Variants in TTC3 observed in about 807,000 individuals in gnomAD.
TTC3 encodes E3 ubiquitin-protein ligase TTC3.
A neutral mutation model predicts 249.6 loss-of-function variants in TTC3; 180 were observed. That is an observed-to-expected ratio of 0.72 (90% CI 0.64 to 0.82). TTC3 has a LOEUF of 0.82. Ranked by LOEUF, TTC3 falls within the 40% of genes least tolerant of loss-of-function variation. TTC3 has a pLI of 0.00. For missense variants in TTC3, 2,061 were observed against 2,398.4 expected, an observed-to-expected ratio of 0.86 and a Z score of 2.94; for synonymous variants, 717 against 805.0, an observed-to-expected ratio of 0.89 and a Z score of 1.85.
intron 28 of TTC3, chr21:37,157,178 T>C (rs1467271700): frequency 1.5e-6 from 2 of 1,370,436 alleles, no homozygotes; most frequent in Non-Finnish European, 1.9e-6. Flanking sequence ...CACAGCATCA[T>C]GGGAAAGATT....
At position 37,199,634 on chromosome 21, in the gene TTC3, T is replaced by C. The variant is rs899815337; in HGVS notation, c.5851-598T>C. Among the ~76,000 whole-genome samples, 3 of 152,300 alleles carry C rather than the reference T, an allele frequency of 2.0e-5. No homozygotes were observed. In the South Asian group the frequency reaches 6.2e-4, roughly 32 times the overall value. Reference sequence around the variant, plus strand: ...ATCCATGCTCATAGAAACTAGAAAATAGTAAAGAAAAAGATTAAATCTCCC... The same window carrying C: ...ATCCATGCTCATAGAAACTAGAAAACAGTAAAGAAAAAGATTAAATCTCCC... On this transcript the variant is annotated intron_variant, in intron 44 of 45. Coordinates refer to ENST00000355666, the Ensembl canonical transcript of TTC3.
chr21:37,175,271 A>G (rs1357274246), intron 35 of TTC3, among the ~76,000 whole-genome samples: 1 of 149,062 alleles, frequency 6.7e-6, no homozygotes, highest in East Asian at 2.0e-4. Flanking sequence ...CTCAAAAAAA[A>G]AAAAAAAAAA....
At position 37,187,032 on chromosome 21, in the gene TTC3, TC is replaced by T. The variant is rs763513809; in HGVS notation, c.4827-15del. The T allele has an allele frequency of 7.3e-6, 11 of 1,508,676 alleles. No homozygotes were observed. The highest frequency in any genetic ancestry group is 5.3e-5 in the South Asian group (4 of 75,900). 93.5% of individuals were successfully genotyped at this position (1,508,676 alleles called of 1,614,324 possible). A position where few individuals can be genotyped will look rare whatever the true frequency, so the allele number is the denominator to read the frequency against. ...ATTTTGTTCAAGAAAGTTTTTTTTT[TC>T]CTTCAATATTTGTAGCAACACACTT... On this transcript the variant is annotated splice_polypyrimidine_tract_variant and intron_variant, in intron 37 of 45. Coordinates refer to ENST00000355666, the Ensembl canonical transcript of TTC3.
At chr21:37,114,419 C>G (rs1320047232) in intron 11 of TTC3, among the ~76,000 whole-genome samples, 1 of 152,150 alleles carries the variant, frequency 6.6e-6, no homozygotes, top group African/African-American at 2.4e-5. Context: ...ATGTAGCCAA[C>G]AGACACATGA....
intron 8 of TTC3, among the ~76,000 whole-genome samples, chr21:37,095,135 A>ACGTGTGTGTG (rs1555853733): frequency 1.3e-5 from 1 of 76,670 alleles, no homozygotes; most frequent in Non-Finnish European, 3.3e-5. Context: ...GTCTCTAAAA[A>ACGTGTGTGTG]TATGTGTGTG....
intron 29 of TTC3, 61 bp downstream of exon 29, chr21:37,159,806 A>C: frequency 6.6e-7 from 1 of 1,512,946 alleles, no homozygotes. Flanking sequence ...AAGGATGAGA[A>C]GGGGACCCAG....
chr21:37,098,911 C>T (rs1275238143), intron 10 of TTC3: 2 of 152,116 alleles, frequency 1.3e-5, no homozygotes, highest in Non-Finnish European at 2.9e-5. Flanking sequence ...GATGCTGGAT[C>T]TGCTGTGGAA....
At chr21:37,166,315 G>T in exon 33 of TTC3, 1 of 1,614,198 alleles carries the variant, frequency 6.2e-7, no homozygotes, top group Non-Finnish European at 8.5e-7. Flanking sequence ...CAGTACCAGT[G>T]GTGCCGTCTT....
chr21:37,163,581 C>T (rs1032412551), intron 31 of TTC3, among the ~76,000 whole-genome samples: 4 of 152,118 alleles, frequency 2.6e-5, no homozygotes, highest in Admixed American at 1.3e-4. Flanking sequence ...AACTCCTGAC[C>T]TCAAGTGATC....
chr21:37,152,936 G>C lies in TTC3; in HGVS notation c.2414-15G>C. 1 of 1,547,472 alleles carries C rather than the reference G, an allele frequency of 6.5e-7. No homozygotes were observed. Among genetic ancestry groups the C allele is most frequent in the Non-Finnish European group, 8.7e-7 (1 of 1,148,932 alleles). The stretch of plus-strand genomic sequence containing the variant: ...AGTCCTATTTATCACTTTAACCATT[G>C]TTATTTATCCTTAGAAACTGTAGAC... On this transcript the variant is annotated splice_polypyrimidine_tract_variant and intron_variant, in intron 26 of 45. Coordinates refer to ENST00000355666, the Ensembl canonical transcript of TTC3.
At chr21:37,126,276 G>T (rs1391950233) in intron 15 of TTC3, 133 bp downstream of exon 15, 2 of 569,932 alleles carry the variant, frequency 3.5e-6, no homozygotes, top group South Asian at 3.9e-5. Flanking sequence ...TCTATGTTAA[G>T]AAAATATTGA....
At chr21:37,173,611 G>A (rs952512353) in intron 35 of TTC3, among the ~76,000 whole-genome samples, 37 of 152,306 alleles carry the variant, frequency 2.4e-4, no homozygotes, top group African/African-American at 8.2e-4. Context: ...AAGAAAGGAG[G>A]AATTTGTTCC....
intron 36 of TTC3, among the ~76,000 whole-genome samples, chr21:37,183,737 C>G (rs1485393016): frequency 6.6e-6 from 1 of 152,140 alleles, no homozygotes; most frequent in East Asian, 1.9e-4. Flanking sequence ...CATATGATCT[C>G]TATTATGATA....
chr21:37,095,915 G>C (rs1478740096), intron 9 of TTC3, among the ~76,000 whole-genome samples: 3 of 152,192 alleles, frequency 2.0e-5, no homozygotes, highest in African/African-American at 7.2e-5. Flanking sequence ...GAATTTTGTA[G>C]CTTTCCTCCA....
chr21:37,190,429 C>T (rs886211356), intron 39 of TTC3, among the ~76,000 whole-genome samples: 2 of 151,976 alleles, frequency 1.3e-5, no homozygotes, highest in African/African-American at 4.8e-5. Context: ...CCACCATGCC[C>T]GGCCCCTTCT....
At chr21:37,135,577 G>A in intron 18 of TTC3, 63 bp downstream of exon 18, 2 of 1,557,110 alleles carry the variant, frequency 1.3e-6, no homozygotes, top group Non-Finnish European at 1.7e-6. Context: ...ATGCAGAAGA[G>A]AACCAAGGGC....
chr21:37,098,282 G>C, intron 10 of TTC3: 1 of 206,864 alleles, frequency 4.8e-6, no homozygotes, highest in Non-Finnish European at 9.6e-6. Flanking sequence ...GAAAATTGAG[G>C]TGCCTGTCTG....
chr21:37,164,459 C>G (rs558374987), intron 32 of TTC3, among the ~76,000 whole-genome samples: 1 of 152,038 alleles, frequency 6.6e-6, no homozygotes, highest in East Asian at 1.9e-4. Flanking sequence ...ATGCGTCAGC[C>G]TCCCGAGTAG....
At chr21:37,161,668 A>G (rs951981749) in intron 30 of TTC3, among the ~76,000 whole-genome samples, 6 of 152,238 alleles carry the variant, frequency 3.9e-5, no homozygotes, top group Non-Finnish European at 7.3e-5. Flanking sequence ...TCAAAGGATG[A>G]GAACAGTTAA....
Sources: allele counts gnomAD v4.1 joint callset (sites outside exome capture counted in the v4.1 genomes callset), GRCh38; gene constraint gnomAD v4.1.1; transcripts MANE v1.5; gene names NCBI Gene and HGNC (gene_info 2026-07-23, HGNC 2026-07-21).